SLIT3: variants seen among roughly 807,000 people sequenced by gnomAD.
The protein encoded by SLIT3 is slit homolog 3 protein.
A neutral mutation model predicts 184.0 loss-of-function variants in SLIT3; 68 were observed. The observed-to-expected ratio is 0.37, with a 90% CI of 0.30 to 0.45. The LOEUF is 0.45. Ranked by LOEUF, SLIT3 falls within the 20% of genes least tolerant of loss-of-function variation. SLIT3 has a pLI of 1.00. For synonymous variants in SLIT3, 831 were observed against 828.6 expected (o/e 1.00, Z -0.05); for missense variants, 1,707 against 2,026.0 (o/e 0.84, Z 3.02).
At chr5:169,076,341 G>T (rs111619716) in intron 4 of SLIT3, among the ~76,000 whole-genome samples, 9 of 152,296 alleles carry the variant, frequency 5.9e-5, no homozygotes, top group African/African-American at 2.2e-4. Flanking sequence ...ATAACCCAGG[G>T]CTGCTATGTA....
At chr5:168,733,618 T>C (rs1328597988) in intron 20 of SLIT3, among the ~76,000 whole-genome samples, 4 of 151,884 alleles carry the variant, frequency 2.6e-5, no homozygotes, top group African/African-American at 7.3e-5. Flanking sequence ...ACACACACCA[T>C]GGCCTGTCAA....
chr5:168,772,629 G>C, intron 14 of SLIT3, 152 bp downstream of exon 14: 2 of 717,482 alleles, frequency 2.8e-6, no homozygotes, highest in Non-Finnish European at 4.6e-6. Flanking sequence ...CTGGTTTTCT[G>C]CAGGGCTAAC....
intron 4 of SLIT3, among the ~76,000 whole-genome samples, chr5:168,993,682 A>AC (rs1755410203): frequency 6.6e-6 from 1 of 151,972 alleles, no homozygotes; most frequent in Non-Finnish European, 1.5e-5. Context: ...GGAAAAAAAA[A>AC]AAAACTCCTG....
chr5:168,924,015 A>G (rs1761725222), intron 4 of SLIT3, among the ~76,000 whole-genome samples: 1 of 152,248 alleles, frequency 6.6e-6, no homozygotes, highest in Non-Finnish European at 1.5e-5. Flanking sequence ...TCTGGCCTGC[A>G]AAGCCTAAAA....
At chr5:168,879,597 ATTAT>A (rs1168094996) in intron 5 of SLIT3, among the ~76,000 whole-genome samples, 1 of 152,174 alleles carries the variant, frequency 6.6e-6, no homozygotes, top group Non-Finnish European at 1.5e-5. Flanking sequence ...GGGCTGTAAG[ATTAT>A]TTAGTCTGAC....
chr5:169,041,882 T>A (rs1757459132), intron 4 of SLIT3, among the ~76,000 whole-genome samples: 3 of 152,326 alleles, frequency 2.0e-5, no homozygotes, highest in Middle Eastern at 6.8e-3. Context: ...AGATAGTTCC[T>A]CTTAGGAACC....
At chr5:168,746,476 G>GCGGT (rs1345898379) in intron 20 of SLIT3, among the ~76,000 whole-genome samples, 2,329 of 65,498 alleles carry the variant, frequency 0.036, 389 homozygotes, top group Admixed American at 0.08. Flanking sequence ...GCGGTGGTGT[G>GCGGT]GGTGTGGTGG....
At chr5:169,168,339 A>G (rs1260511072) in intron 4 of SLIT3, among the ~76,000 whole-genome samples, 1 of 152,190 alleles carries the variant, frequency 6.6e-6, no homozygotes, top group Non-Finnish European at 1.5e-5. Context: ...ATATTCTACA[A>G]TCTTGTCTTC....
chr5:168,758,035 T>C (rs1218779405), intron 16 of SLIT3, among the ~76,000 whole-genome samples: 1 of 152,220 alleles, frequency 6.6e-6, no homozygotes, highest in Non-Finnish European at 1.5e-5. Flanking sequence ...CCGGGAGTTG[T>C]GGCAGCTCTT....
chr5:168,904,862 T>C (rs541919189), intron 4 of SLIT3, among the ~76,000 whole-genome samples: 2 of 152,224 alleles, frequency 1.3e-5, no homozygotes, highest in South Asian at 4.2e-4. Context: ...CTCACAGCCT[T>C]CTTTACAAAG....
At chr5:168,793,396 T>C (rs1198428888) in intron 10 of SLIT3, among the ~76,000 whole-genome samples, 2 of 152,162 alleles carry the variant, frequency 1.3e-5, no homozygotes, top group Non-Finnish European at 2.9e-5. Context: ...CCAGGGACCC[T>C]ACCTCTCCCA....
chr5:169,187,417 A>G (rs903563915), intron 4 of SLIT3, among the ~76,000 whole-genome samples: 5 of 152,096 alleles, frequency 3.3e-5, no homozygotes, highest in African/African-American at 9.7e-5. Context: ...GGCAGCAGCT[A>G]TAAGTTTTAA....
At chr5:168,772,419 C>T in intron 14 of SLIT3, 1 of 267,440 alleles carries the variant, frequency 3.7e-6, no homozygotes, top group South Asian at 4.6e-5. Flanking sequence ...CTTTGGGGAG[C>T]ACACTTTGGA....
chr5:169,006,245 C>G (rs1755922291), intron 4 of SLIT3, among the ~76,000 whole-genome samples: 1 of 152,228 alleles, frequency 6.6e-6, no homozygotes, highest in Admixed American at 6.5e-5. Flanking sequence ...AACCTTAAAG[C>G]ATTCTCTTCT....
At chr5:169,102,810 T>A (rs1274391382) in intron 4 of SLIT3, among the ~76,000 whole-genome samples, 1 of 152,192 alleles carries the variant, frequency 6.6e-6, no homozygotes. Context: ...AATGTTAATC[T>A]CATCCCGAAA....
intron 10 of SLIT3, chr5:168,792,436 C>T (rs1561935664): frequency 1.3e-5 from 2 of 152,176 alleles, no homozygotes; most frequent in South Asian, 2.1e-4. Context: ...AGGTCATATA[C>T]TTCAGGCCGC....
chr5:169,157,703 GAAATGAC>G (rs1460882736), intron 4 of SLIT3, among the ~76,000 whole-genome samples: 1 of 152,120 alleles, frequency 6.6e-6, no homozygotes, highest in East Asian at 1.9e-4. Flanking sequence ...ACTTATATGA[GAAATGAC>G]AATCAAAAGA....
intron 4 of SLIT3, among the ~76,000 whole-genome samples, chr5:169,041,631 T>G (rs894733002): frequency 1.3e-5 from 2 of 152,204 alleles, no homozygotes; most frequent in African/African-American, 2.4e-5. Context: ...CAGATATTCT[T>G]CAATTCTTAT....
At chr5:168,794,356 C>T (rs934541419) in intron 10 of SLIT3, among the ~76,000 whole-genome samples, 1 of 151,930 alleles carries the variant, frequency 6.6e-6, no homozygotes, top group Admixed American at 6.5e-5. Flanking sequence ...CTGTGCAGAA[C>T]TGATGGCAAT....
Sources: gnomAD v4.1 joint callset for allele counts (sites outside exome capture counted in the v4.1 genomes callset) on GRCh38, gnomAD v4.1.1 for gene constraint, MANE v1.5 for transcripts, NCBI Gene and HGNC (gene_info 2026-07-23, HGNC 2026-07-21) for gene names.